Variants in ATP7A observed in about 807,000 individuals in gnomAD.
ATP7A encodes copper-transporting ATPase 1.
In ATP7A, 7 loss-of-function variants were observed where a neutral mutation model predicts 83.5. The ratio of observed to expected loss-of-function variants is 0.08; its 90% CI spans 0.05 to 0.16. ATP7A has a LOEUF of 0.16. ATP7A is among the 10% of genes least tolerant of loss of function. The pLI, the probability that ATP7A is intolerant of heterozygous loss-of-function variation, is 1.00. For synonymous variants in ATP7A, 354 were observed against 395.2 expected, an observed-to-expected ratio of 0.90 and a Z score of 1.24; for missense variants, 940 against 1,120.8, an observed-to-expected ratio of 0.84 and a Z score of 2.30.
intron 1 of ATP7A, among the ~76,000 whole-genome samples, chrX:77,950,130 C>T (rs1486372424): frequency 8.9e-6 from 1 of 112,220 alleles, no homozygotes; most frequent in Non-Finnish European, 1.9e-5. Flanking sequence ...TGAGAATTAT[C>T]TTCATCTGTC....
intron 1 of ATP7A, among the ~76,000 whole-genome samples, chrX:77,915,489 C>A (rs2077180361): frequency 9.0e-6 from 1 of 110,976 alleles, no homozygotes; most frequent in Admixed American, 9.7e-5. Context: ...AATAACAGTA[C>A]CTGTCTCACA....
intron 11 of ATP7A, 113 bp from the exon 12 acceptor site, chrX:78,015,641 C>T: frequency 1.0e-6 from 1 of 996,394 alleles, no homozygotes; most frequent in Non-Finnish European, 1.4e-6. Flanking sequence ...GTTCTAGCTT[C>T]CATTGGCAGT....
chrX:77,931,636 C>CGG (rs1360880318), intron 1 of ATP7A, among the ~76,000 whole-genome samples: 2 of 98,152 alleles, frequency 2.0e-5, no homozygotes, highest in African/African-American at 7.6e-5. Context: ...GCTGGCCGGG[C>CGG]GGGGGGCTGA....
chrX:77,996,188 T>TTA (rs1258648949), intron 4 of ATP7A, among the ~76,000 whole-genome samples: 68 of 111,083 alleles, frequency 6.1e-4, no homozygotes, highest in African/African-American at 1.3e-3. Flanking sequence ...AGATATACAT[T>TTA]TATATATATA....
At chrX:77,959,077 C>T (rs1301746397) in intron 1 of ATP7A, among the ~76,000 whole-genome samples, 5 of 111,056 alleles carry the variant, frequency 4.5e-5, no homozygotes, top group South Asian at 3.8e-4. Flanking sequence ...TGTGAGCCAA[C>T]GCACCCAGCC....
Position 78,007,071 on chromosome X carries a change from T to G in ATP7A, c.1708-2031T>G, listed in dbSNP as rs782349608. Reference sequence around the variant, plus strand: ...CATCTAGTAACTCTATATTTAACCTTTTAAGGGACTGCCAGACTGTTTTCT... The same window carrying G: ...CATCTAGTAACTCTATATTTAACCTGTTAAGGGACTGCCAGACTGTTTTCT... On this transcript the variant is annotated intron_variant, in intron 6 of 22. Coordinates refer to ENST00000341514, the MANE Select transcript of ATP7A (RefSeq NM_000052.7). Among the ~76,000 whole-genome samples, 24 of 111,906 alleles carry G rather than the reference T, an allele frequency of 2.1e-4. 1 individual carries two copies. Among genetic ancestry groups the G allele is most frequent in the Non-Finnish European group, 4.3e-4 (23 of 53,167 alleles).
Position 78,040,584 on chromosome X carries a change from A to G in ATP7A, c.3659-7A>G. 2 of 1,209,505 alleles carry G rather than the reference A, an allele frequency of 1.7e-6. No individual in the cohort carries two copies. Among genetic ancestry groups the G allele is most frequent in the Non-Finnish European group, 2.2e-6 (2 of 893,605 alleles). ...AGTTCTTTTATTTTGTGCTGCCCCT[A>G]TATTAGATGAGCTGTGTGGCTTGAT... On this transcript the variant is annotated splice_region_variant and splice_polypyrimidine_tract_variant and intron_variant, in intron 18 of 22. Coordinates refer to ENST00000341514, the MANE Select transcript of ATP7A (RefSeq NM_000052.7).
chrX:78,000,019 C>T (rs1395889532), intron 5 of ATP7A, among the ~76,000 whole-genome samples: 2 of 110,789 alleles, frequency 1.8e-5, no homozygotes, highest in Admixed American at 1.9e-4. Flanking sequence ...TGGTTAGTCA[C>T]AGAGCTAAAT....
intron 2 of ATP7A, among the ~76,000 whole-genome samples, chrX:77,980,103 A>C (rs2077596415): frequency 8.9e-6 from 1 of 112,536 alleles, no homozygotes; most frequent in South Asian, 3.6e-4. Flanking sequence ...CCTTATTAAC[A>C]AATTAGTTTG....
chrX:78,017,777 T>C (rs1300445848), intron 12 of ATP7A, among the ~76,000 whole-genome samples: 1 of 80,668 alleles, frequency 1.2e-5, no homozygotes, highest in Non-Finnish European at 2.4e-5. Context: ...TTTTTTTTTT[T>C]TTTTTTTTTT....
At chrX:78,004,123 A>G (rs781851778) in intron 6 of ATP7A, among the ~76,000 whole-genome samples, 1 of 112,005 alleles carries the variant, frequency 8.9e-6, no homozygotes, top group South Asian at 3.7e-4. Flanking sequence ...ATATTAACTG[A>G]CAAGTAAAGA....
At chrX:78,012,806 T>C (rs1427246564) in intron 9 of ATP7A, 73 bp from the exon 10 acceptor site, 6 of 929,982 alleles carry the variant, frequency 6.5e-6, no homozygotes, top group African/African-American at 1.9e-5. Flanking sequence ...CTATTGATAC[T>C]TTAAGTTATT....
At chrX:77,992,151 G>T (rs929398229) in intron 4 of ATP7A, among the ~76,000 whole-genome samples, 2 of 108,502 alleles carry the variant, frequency 1.8e-5, no homozygotes, top group East Asian at 5.8e-4. Context: ...TGCAACCTTG[G>T]CCTCCCAGGT....
At chrX:78,038,703 C>T (rs1212450279) in intron 17 of ATP7A, 133 bp from the exon 18 acceptor site, 22 of 725,990 alleles carry the variant, frequency 3.0e-5, no homozygotes, top group Non-Finnish European at 4.1e-5. Flanking sequence ...ATTTGAACAT[C>T]ACTGTTGGAG....
chrX:77,924,890 C>T (rs1557223447), intron 1 of ATP7A, among the ~76,000 whole-genome samples: 1 of 111,564 alleles, frequency 9.0e-6, no homozygotes, highest in African/African-American at 3.3e-5. Flanking sequence ...CGGGGTTTCG[C>T]CATGTTGGCC....
chrX:77,941,328 A>G (rs1483711214), intron 1 of ATP7A, among the ~76,000 whole-genome samples: 1 of 112,092 alleles, frequency 8.9e-6, no homozygotes, highest in East Asian at 2.8e-4. Flanking sequence ...ATTTTATAAA[A>G]TGGTACGTTT....
intron 1 of ATP7A, among the ~76,000 whole-genome samples, chrX:77,931,936 CTGGG>C: frequency 1.0e-5 from 1 of 97,771 alleles, no homozygotes; most frequent in Non-Finnish European, 2.1e-5. Flanking sequence ...GGGCGGCTGG[CTGGG>C]CGGGGGGCTG....
intron 6 of ATP7A, among the ~76,000 whole-genome samples, chrX:78,007,019 A>T (rs1048291634): frequency 1.4e-4 from 15 of 109,314 alleles, no homozygotes; most frequent in African/African-American, 5.3e-4. Flanking sequence ...TCCCTTGGGG[A>T]TATACCTAGA....
At position 77,989,678 on chromosome X, in the gene ATP7A, G is replaced by A; in HGVS notation, c.1056G>A (p.Glu352=). Residue 352 remains glutamate (E), a synonymous_variant, in exon 4 of 23, where the codon GAG becomes GAA. Transcript: ENST00000341514. ...LYRVSITSEV[E]STSNSPSSSS... is the part of the protein sequence containing the mutation. ...GAGTTAGTATCACAAGTGAAGTTGA[G>A]AGTACCTCAAACTCTCCCTCCAGCT... 2 of 1,211,336 alleles carry A rather than the reference G, an allele frequency of 1.7e-6. No homozygotes were observed. Among genetic ancestry groups the A allele is most frequent in the Non-Finnish European group, 2.2e-6 (2 of 895,289 alleles).
Sources: allele counts gnomAD v4.1 joint callset (sites outside exome capture counted in the v4.1 genomes callset), GRCh38; gene constraint gnomAD v4.1.1; transcripts MANE v1.5; gene names NCBI Gene and HGNC (gene_info 2026-07-23, HGNC 2026-07-21).